PIEZO2: variants seen among roughly 807,000 people sequenced by gnomAD.
PIEZO2 encodes piezo-type mechanosensitive ion channel component 2.
A neutral mutation model predicts 337.3 loss-of-function variants in PIEZO2; 172 were observed. That is an observed-to-expected ratio of 0.51 (90% CI 0.45 to 0.58). The LOEUF (loss-of-function observed/expected upper bound fraction) is 0.58. PIEZO2 is among the 20% of genes least tolerant of loss of function. The pLI, the probability that PIEZO2 is intolerant of heterozygous loss-of-function variation, is 0.00. For synonymous variants in PIEZO2, 1,251 were observed against 1,228.5 expected, an observed-to-expected ratio of 1.02 and a Z score of -0.38; for missense variants, 3,028 against 3,391.3, an observed-to-expected ratio of 0.89 and a Z score of 2.66.
chr18:10,974,758 T>C (rs2034376102), intron 3 of PIEZO2, among the ~76,000 whole-genome samples: 1 of 152,198 alleles, frequency 6.6e-6, no homozygotes, highest in Non-Finnish European at 1.5e-5. Context: ...GCACTGCGTT[T>C]ATACAGAAAA....
chr18:11,087,194 G>A (rs2038943390), intron 1 of PIEZO2, among the ~76,000 whole-genome samples: 1 of 152,182 alleles, frequency 6.6e-6, no homozygotes, highest in Non-Finnish European at 1.5e-5. Flanking sequence ...ATCGGCTGGT[G>A]TCTATACCTC....
At chr18:10,921,476 C>G (rs1242592313) in intron 3 of PIEZO2, among the ~76,000 whole-genome samples, 1 of 152,154 alleles carries the variant, frequency 6.6e-6, no homozygotes, top group Non-Finnish European at 1.5e-5. Flanking sequence ...TATCACTTCC[C>G]CAGTAAATAT....
chr18:10,672,819 T>C lies in PIEZO2; in HGVS notation c.8216A>G (p.Tyr2739Cys). 6.2e-7 allele frequency: 1 copy of C among 1,612,728 alleles called. No individual in the cohort carries two copies. Among genetic ancestry groups the C allele is most frequent in the Admixed American group, 1.7e-5 (1 of 59,922 alleles). ...IILSRDNTTKYNSEWWVLNLT... is the reference protein window; with the variant it reads ...IILSRDNTTKCNSEWWVLNLT... ...GTTGAGAACCCACCACTCACTGTTATATTTAGTTGTATTGTCTCTGGACAA... is the reference window on the plus strand; with the variant it reads ...GTTGAGAACCCACCACTCACTGTTACATTTAGTTGTATTGTCTCTGGACAA... Residue 2739 changes from tyrosine (Y) to cysteine (C), a missense_variant, in exon 55 of 56, where the codon TAT becomes TGT. By Grantham distance (194) the Tyr-to-Cys change is radical. This residue lies in a region of PIEZO2 where 332 missense variants were observed against 363.8 expected (regional missense o/e 0.91). Coordinates refer to ENST00000674853, the MANE Select transcript of PIEZO2 (RefSeq NM_001378183.1). This position sits in a 1 kb window ranked among gnomAD's most constrained non-coding sequence, Gnocchi z 4.7.
intron 1 of PIEZO2, among the ~76,000 whole-genome samples, chr18:11,084,200 G>C (rs1468503660): frequency 8.0e-6 from 1 of 124,508 alleles, no homozygotes; most frequent in Non-Finnish European, 1.7e-5. Context: ...AAAAAAAAAA[G>C]ACAGAGAGAG....
At chr18:10,951,283 C>T (rs1021296372) in intron 3 of PIEZO2, among the ~76,000 whole-genome samples, 1 of 152,162 alleles carries the variant, frequency 6.6e-6, no homozygotes, top group African/African-American at 2.4e-5. Flanking sequence ...CTCTTTGTTT[C>T]TCAGACATAC....
At chr18:10,801,132 T>C (rs2039799154) in intron 10 of PIEZO2, among the ~76,000 whole-genome samples, 1 of 152,240 alleles carries the variant, frequency 6.6e-6, no homozygotes, top group Non-Finnish European at 1.5e-5. Context: ...CAAAACTTCC[T>C]ACTTACGAAT....
Position 10,815,893 on chromosome 18 carries a change from G to C in PIEZO2, c.918-8619C>G, listed in dbSNP as rs1178320374. Among the ~76,000 whole-genome samples, 1 of 152,170 alleles carries C rather than the reference G, an allele frequency of 6.6e-6. No individual in the cohort carries two copies. Among genetic ancestry groups the C allele is most frequent in the African/African-American group, 2.4e-5 (1 of 41,426 alleles). On this transcript the variant is annotated intron_variant, in intron 7 of 55. Coordinates refer to ENST00000674853, the MANE Select transcript of PIEZO2 (RefSeq NM_001378183.1). The surrounding 1 kb of genome is among the most constrained non-coding windows in gnomAD (Gnocchi z 4.1). Reference sequence around the variant, plus strand: ...AGGTGATGCTTGGTCCTCTCTTACAGTTCAGTTATTCGCTCCTTACAGGTC... The same window carrying C: ...AGGTGATGCTTGGTCCTCTCTTACACTTCAGTTATTCGCTCCTTACAGGTC...
intron 1 of PIEZO2, among the ~76,000 whole-genome samples, chr18:11,130,314 C>T (rs1399915820): frequency 6.6e-6 from 1 of 152,262 alleles, no homozygotes; most frequent in Non-Finnish European, 1.5e-5. Context: ...CAAATTAACA[C>T]ATCTCCTGGT....
At chr18:11,121,980 G>A (rs1275925217) in intron 1 of PIEZO2, among the ~76,000 whole-genome samples, 1 of 151,942 alleles carries the variant, frequency 6.6e-6, no homozygotes, top group Non-Finnish European at 1.5e-5. Context: ...TTGAGATGGA[G>A]TCTTGCTCTG....
rs917866662 is a variant in PIEZO2 at position 10,707,139 on chromosome 18, A to G, written c.5588+1136T>C. On this transcript the variant is annotated intron_variant, in intron 40 of 55. Transcript: ENST00000674853. This position sits in a 1 kb window ranked among gnomAD's most constrained non-coding sequence, Gnocchi z 4.2. ...TGCCAGCCCAAAACAGATTTTTGCT[A>G]AGACTTACCTCAATTAGATATACTT... Among the ~76,000 whole-genome samples the G allele has an allele frequency of 6.6e-6, 1 of 152,144 alleles. No individual in the cohort carries two copies. Among genetic ancestry groups the G allele is most frequent in the African/African-American group, 2.4e-5 (1 of 41,434 alleles).
intron 1 of PIEZO2, among the ~76,000 whole-genome samples, chr18:11,095,940 T>C (rs745748379): frequency 6.6e-6 from 1 of 152,210 alleles, no homozygotes; most frequent in Non-Finnish European, 1.5e-5. Context: ...GAGAAGACTA[T>C]AAATTAAATT....
At position 11,003,258 on chromosome 18, in the gene PIEZO2, G is replaced by GTTTTGT. The variant is rs955827546; in HGVS notation, c.161-23599_161-23598insACAAAA. On this transcript the variant is annotated intron_variant, in intron 2 of 55. Transcript: ENST00000674853. The surrounding 1 kb of genome is among the most constrained non-coding windows in gnomAD (Gnocchi z 4.6). ...TAGGATGTGTTTTCTTTTGTTGTTT[G>GTTTTGT]TTTGTTTTGTTTTGTTTTGTTTTGC... is the stretch of plus-strand genomic sequence containing the variant. Among the ~76,000 whole-genome samples the GTTTTGT allele has an allele frequency of 6.6e-6, 1 of 151,892 alleles. No homozygotes were observed. The highest frequency in any genetic ancestry group is 2.4e-5 in the African/African-American group (1 of 41,246).
chr18:10,891,697 T>A (rs923083828), intron 4 of PIEZO2, among the ~76,000 whole-genome samples: 1 of 152,152 alleles, frequency 6.6e-6, no homozygotes, highest in African/African-American at 2.4e-5. Context: ...AGGTGAGGGA[T>A]CTCAAAGGCT....
chr18:10,734,529 C>T (rs2036920709), intron 35 of PIEZO2, among the ~76,000 whole-genome samples: 1 of 152,226 alleles, frequency 6.6e-6, no homozygotes, highest in Admixed American at 6.5e-5. Flanking sequence ...GTGGCTGCCC[C>T]TGACTGAGTT....
chr18:10,840,973 C>T (rs759080530), intron 7 of PIEZO2, among the ~76,000 whole-genome samples: 1 of 152,158 alleles, frequency 6.6e-6, no homozygotes, highest in Admixed American at 6.5e-5. Flanking sequence ...ATATGCAGTT[C>T]CTGATAAAGG....
intron 18 of PIEZO2, 132 bp from the exon 19 acceptor site, chr18:10,774,170 C>T: frequency 1.5e-6 from 1 of 649,474 alleles, no homozygotes. Flanking sequence ...TGCAGTAACG[C>T]CCTAATGCCA....
Position 11,110,817 on chromosome 18 carries a change from G to C in PIEZO2, c.64+37708C>G, listed in dbSNP as rs935596472. ...GGAACACACAGTATTGACCAGCACA[G>C]TGTTTTAAACTTGAAGTATAGGATC... On this transcript the variant is annotated intron_variant, in intron 1 of 55. Coordinates refer to ENST00000674853, the MANE Select transcript of PIEZO2 (RefSeq NM_001378183.1). The surrounding 1 kb of genome is among the most constrained non-coding windows in gnomAD (Gnocchi z 4.2). 6.6e-6 allele frequency among the ~76,000 whole-genome samples: 1 copy of C among 151,656 alleles called. No individual in the cohort carries two copies. Among genetic ancestry groups the C allele is most frequent in the African/African-American group, 2.4e-5 (1 of 41,316 alleles).
At chr18:10,919,032 T>A (rs1286838514) in intron 3 of PIEZO2, among the ~76,000 whole-genome samples, 2 of 152,080 alleles carry the variant, frequency 1.3e-5, no homozygotes, top group African/African-American at 2.4e-5. Context: ...TTTATTCAAA[T>A]ATATGTGCTC....
intron 36 of PIEZO2, among the ~76,000 whole-genome samples, chr18:10,719,089 T>C (rs1190644792): frequency 6.6e-6 from 1 of 152,144 alleles, no homozygotes; most frequent in Non-Finnish European, 1.5e-5. Context: ...TAGGATTTCA[T>C]TTCATTTCAT....
Sources: gnomAD v4.1 joint callset for allele counts (sites outside exome capture counted in the v4.1 genomes callset) on GRCh38, gnomAD v4.1.1 for gene constraint, gnomAD v4.1.1 regional missense constraint, Gnocchi (gnomAD v3.1) non-coding constraint, MANE v1.5 for transcripts, NCBI Gene and HGNC (gene_info 2026-07-23, HGNC 2026-07-21) for gene names.